Variants in MVD observed in about 807,000 individuals in gnomAD.
MVD encodes diphosphomevalonate decarboxylase.
In MVD, 52 loss-of-function variants were observed where a neutral mutation model predicts 42.4. That is an observed-to-expected ratio of 1.23 (90% confidence interval 0.98 to 1.55). The LOEUF (loss-of-function observed/expected upper bound fraction) is 1.55. Among genes scored for constraint, MVD ranks in the 40% most tolerant of loss-of-function variants. MVD has a pLI of 0.00. For synonymous variants in MVD, 287 were observed against 243.2 expected (o/e 1.18, Z -1.68); for missense variants, 663 against 572.1 (o/e 1.16, Z -1.62).
intron 4 of MVD, chr16:88,656,833 C>A (rs1003035668): frequency 8.5e-5 from 21 of 246,578 alleles, no homozygotes; most frequent in Admixed American, 4.1e-4. Context: ...GCGCAGGAGC[C>A]CAGGTGGGCC....
chr16:88,652,987 G>T (rs891431919), intron 9 of MVD, among the ~76,000 whole-genome samples: 3 of 152,022 alleles, frequency 2.0e-5, no homozygotes, highest in Non-Finnish European at 2.9e-5. Flanking sequence ...GGGGTGGGGG[G>T]GTCCCAGGGA....
chr16:88,658,760 G>GCCCCCC, intron 1 of MVD, 40 bp from the exon 2 acceptor site: 2 of 1,440,614 alleles, frequency 1.4e-6, no homozygotes, highest in Non-Finnish European at 1.9e-6. Context: ...GGGCTTCCCG[G>GCCCCCC]CCCACCCTCC....
At position 88,655,755 on chromosome 16, in the gene MVD, G is replaced by A. The variant is rs376554981; in HGVS notation, c.604-25C>T. 33 of 1,549,180 alleles carry A rather than the reference G, an allele frequency of 2.1e-5. No individual in the cohort carries two copies. In the African/African-American group the frequency reaches 3.8e-4, roughly 18 times the overall value. Reference sequence around the variant, plus strand: ...CCTGCACGAGGGAGAGACAGCCTGGGCCACACCCTGCAGGGGGCCAGCCCC... The same window carrying A: ...CCTGCACGAGGGAGAGACAGCCTGGACCACACCCTGCAGGGGGCCAGCCCC... On this transcript the variant is annotated intron_variant, in intron 5 of 9. Coordinates refer to ENST00000301012, the MANE Select transcript of MVD (RefSeq NM_002461.3).
chr16:88,656,237 G>T lies in MVD; in HGVS notation c.471C>A (p.Gly157=), dbSNP rs766669614. ...CCCCATACAGGCTCCGGCAGGCGCTGCCTGAGCCCCGGCGAGCCACTTCTG... is the reference window on the plus strand; with the variant it reads ...CCCCATACAGGCTCCGGCAGGCGCTTCCTGAGCCCCGGCGAGCCACTTCTG... The part of the protein sequence containing the change: ...DLSEVARRGS[G]SACRSLYGGF... Residue 157 remains glycine, a synonymous_variant, in exon 5 of 10, where the codon GGC becomes GGA. Coordinates refer to ENST00000301012, the MANE Select transcript of MVD (RefSeq NM_002461.3). 6.2e-7 allele frequency: 1 copy of T among 1,600,058 alleles called. No homozygotes were observed. Among genetic ancestry groups the T allele is most frequent in the Admixed American group, 1.7e-5 (1 of 60,014 alleles).
intron 3 of MVD, 134 bp downstream of exon 3, chr16:88,657,781 G>T: frequency 8.1e-7 from 1 of 1,229,484 alleles, no homozygotes; most frequent in Non-Finnish European, 1.1e-6. Context: ...TGGAGCTGGC[G>T]GCCCAGCGGG....
Position 88,655,418 on chromosome 16 carries a change from C to A in MVD, c.679-1G>T. 6.4e-7 allele frequency: 1 copy of A among 1,565,808 alleles called. No homozygotes were observed. Among genetic ancestry groups the A allele is most frequent in the Non-Finnish European group, 8.6e-7 (1 of 1,160,040 alleles). On this transcript the variant is annotated splice_acceptor_variant, in intron 6 of 9. Coordinates refer to ENST00000301012, the MANE Select transcript of MVD (RefSeq NM_002461.3). LOFTEE classifies it high-confidence loss of function. ...CGGGCACCACGGACTCGGCCCGGAA[C>A]TGCAAGGCACAGGGTGTTTCCCATG...
rs962201032 is a variant in MVD at position 88,652,307 on chromosome 16, T to C, written c.*218A>G. The C allele has an allele frequency of 4.7e-5, 29 of 614,150 alleles. No homozygotes were observed. The highest frequency in any genetic ancestry group is 8.2e-5 in the Non-Finnish European group (28 of 341,776). 38.0% of individuals were successfully genotyped at this position (614,150 alleles called of 1,614,324 possible). A position where few individuals can be genotyped will look rare whatever the true frequency, so the allele number is the denominator to read the frequency against. On this transcript the variant is annotated 3_prime_UTR_variant, in exon 10 of 10. Coordinates refer to ENST00000301012, the MANE Select transcript of MVD (RefSeq NM_002461.3). ...TCCCCATCCCATCTTGGCAAAGCGC[T>C]GGTGCAGCTTAGGGCAGCTGAAGCA...
chr16:88,661,180 G>A (rs539356004), intron 1 of MVD, among the ~76,000 whole-genome samples: 52 of 152,078 alleles, frequency 3.4e-4, no homozygotes, highest in African/African-American at 1.2e-3. Context: ...AATATAAAAG[G>A]CAATCCTGTA....
At chr16:88,655,822 G>A in intron 5 of MVD, 92 bp from the exon 6 acceptor site, 1 of 1,431,374 alleles carries the variant, frequency 7.0e-7, no homozygotes. Context: ...CTCAGCCAAT[G>A]CAGGCAGCGG....
At chr16:88,653,078 C>G (rs1040820176) in intron 9 of MVD, among the ~76,000 whole-genome samples, 1 of 152,202 alleles carries the variant, frequency 6.6e-6, no homozygotes, top group Non-Finnish European at 1.5e-5. Flanking sequence ...CTGTGTCAGA[C>G]TCACCCTCCC....
At chr16:88,653,251 C>A in intron 9 of MVD, 49 bp downstream of exon 9, 1 of 1,501,118 alleles carries the variant, frequency 6.7e-7, no homozygotes. Context: ...GGCGGGCCCC[C>A]CTGGCAGGAA....
chr16:88,652,414 G>T lies in MVD; in HGVS notation c.*111C>A. 7.9e-7 allele frequency: 1 copy of T among 1,258,692 alleles called. No homozygotes were observed. The highest frequency in any genetic ancestry group is 1.1e-6 in the Non-Finnish European group (1 of 887,420). 78.0% of individuals were successfully genotyped at this position (1,258,692 alleles called of 1,614,324 possible). On this transcript the variant is annotated 3_prime_UTR_variant, in exon 10 of 10. Coordinates refer to ENST00000301012, the MANE Select transcript of MVD (RefSeq NM_002461.3). ...ACAGCAAGCTGCCCATGGGCCCGGGGTCAAGCCACCACCCACATGTCCCAG... is the reference window on the plus strand; with the variant it reads ...ACAGCAAGCTGCCCATGGGCCCGGGTTCAAGCCACCACCCACATGTCCCAG...
intron 4 of MVD, chr16:88,657,190 T>C (rs1597380195): frequency 1.5e-6 from 1 of 676,012 alleles, no homozygotes; most frequent in Non-Finnish European, 2.7e-6. Flanking sequence ...ACAGTGCTTC[T>C]CCCCCATCAG....
At chr16:88,655,172 A>G (rs1907824815) in intron 7 of MVD, 27 bp downstream of exon 7, 15 of 1,549,946 alleles carry the variant, frequency 9.7e-6, no homozygotes, top group South Asian at 1.2e-5. Context: ...GCGCGAGCGC[A>G]GCCTCTGCCC....
At position 88,653,421 on chromosome 16, in the gene MVD, G is replaced by T. The variant is rs1240221229; in HGVS notation, c.1014-13C>A. On this transcript the variant is annotated splice_polypyrimidine_tract_variant and intron_variant, in intron 8 of 9. Coordinates refer to ENST00000301012, the MANE Select transcript of MVD (RefSeq NM_002461.3). Reference sequence around the variant, plus strand: ...CCCCTTCAGAAACCTGGAAAAGCAGGGCAGGGGCACGGTGAATGCATCCGT... The same window carrying T: ...CCCCTTCAGAAACCTGGAAAAGCAGTGCAGGGGCACGGTGAATGCATCCGT... The T allele has an allele frequency of 1.2e-6, 2 of 1,600,446 alleles. No individual in the cohort carries two copies. The highest frequency in any genetic ancestry group is 1.7e-6 in the Non-Finnish European group (2 of 1,174,260).
chr16:88,661,573 C>T (rs1446704795), intron 1 of MVD, among the ~76,000 whole-genome samples: 1 of 151,940 alleles, frequency 6.6e-6, no homozygotes, highest in Non-Finnish European at 1.5e-5. Context: ...GCAAACCATC[C>T]AGTTCGAGCG....
chr16:88,652,276 AC>A lies in MVD; in HGVS notation c.*248del. 1 of 592,488 alleles carries A rather than the reference AC, an allele frequency of 1.7e-6. No homozygotes were observed. The highest frequency in any genetic ancestry group is 3.0e-6 in the Non-Finnish European group (1 of 330,300). The allele number at this position is 592,488 out of a possible 1,614,324, so 36.7% of individuals were successfully genotyped here. On this transcript the variant is annotated 3_prime_UTR_variant, in exon 10 of 10. Coordinates refer to ENST00000301012, the MANE Select transcript of MVD (RefSeq NM_002461.3). ...GCACCGAGGCTCTGCCAGTTCTCATACCCCCTCCCCATCCCATCTTGGCAAA... is the reference window on the plus strand; with the variant it reads ...GCACCGAGGCTCTGCCAGTTCTCATACCCCTCCCCATCCCATCTTGGCAAA...
chr16:88,653,933 G>A (rs1396122295), intron 8 of MVD, among the ~76,000 whole-genome samples: 1 of 152,110 alleles, frequency 6.6e-6, no homozygotes, highest in South Asian at 2.1e-4. Context: ...ATTAGAAGGT[G>A]TTATTGCTCC....
At chr16:88,658,114 A>G (rs2142905175) in intron 2 of MVD, 85 bp from the exon 3 acceptor site, 1 of 1,359,602 alleles carries the variant, frequency 7.4e-7, no homozygotes, top group Admixed American at 1.7e-5. Context: ...AGAGAGCCTC[A>G]TGGCTGCCCA....
Sources: allele counts gnomAD v4.1 joint callset (sites outside exome capture counted in the v4.1 genomes callset), GRCh38; gene constraint gnomAD v4.1.1; transcripts MANE v1.5; gene names NCBI Gene and HGNC (gene_info 2026-07-23, HGNC 2026-07-21).